Variants in ZNF680 observed in about 807,000 individuals in gnomAD.
The protein encoded by ZNF680 is zinc finger protein 680.
In ZNF680, 6 loss-of-function variants were observed where a neutral mutation model predicts 12.1. That is an observed-to-expected ratio of 0.49 (90% confidence interval 0.27 to 0.98). The LOEUF is 0.98. ZNF680 is among the 50% of genes least tolerant of loss of function. The pLI, the probability that ZNF680 is intolerant of heterozygous loss-of-function variation, is 0.12. For missense variants in ZNF680, 561 were observed against 616.3 expected (o/e 0.91, Z 0.95); for synonymous variants, 170 against 199.3 (o/e 0.85, Z 1.24).
chr7:64,540,037 TAAAG>T lies in ZNF680; in HGVS notation c.253+3666_253+3669del, dbSNP rs370274049. On this transcript the variant is annotated intron_variant, in intron 3 of 3. Coordinates refer to ENST00000309683, the MANE Select transcript of ZNF680 (RefSeq NM_178558.5). Reference sequence around the variant, plus strand: ...TTTTTTAAAAGAAAAACTGAAAAAATAAAGATTTATAAATCTTTTCAAAAATTAT... The same window carrying T: ...TTTTTTAAAAGAAAAACTGAAAAAATATTTATAAATCTTTTCAAAAATTAT... 8.4e-3 allele frequency among the ~76,000 whole-genome samples: 1,283 copies of T among 152,254 alleles called. 12 individuals are homozygous for T. The highest frequency in any genetic ancestry group is 0.03 in the African/African-American group (1,237 of 41,566).
At chr7:64,557,404 A>C (rs1787477230) in intron 1 of ZNF680, among the ~76,000 whole-genome samples, 1 of 150,888 alleles carries the variant, frequency 6.6e-6, no homozygotes, top group Non-Finnish European at 1.5e-5. Context: ...AAAATACAAA[A>C]AGTAGCCACG....
At chr7:64,541,762 G>A (rs1261551188) in intron 3 of ZNF680, among the ~76,000 whole-genome samples, 1 of 152,190 alleles carries the variant, frequency 6.6e-6, no homozygotes, top group East Asian at 1.9e-4. Context: ...CCCAGCCACA[G>A]TCTGGGAGAG....
At chr7:64,514,621 C>G in the ZNF680 span, among the ~76,000 whole-genome samples, 2 of 151,988 alleles carry the variant, frequency 1.3e-5, no homozygotes, top group Non-Finnish European at 2.9e-5. Context: ...ATAAAATAAA[C>G]TCACCACTCA....
intron 1 of ZNF680, among the ~76,000 whole-genome samples, chr7:64,554,699 T>G (rs1241234431): frequency 1.3e-5 from 2 of 152,172 alleles, no homozygotes; most frequent in African/African-American, 4.8e-5. Flanking sequence ...CCCAACCCCG[T>G]GCTCTCTGAA....
chr7:64,503,472 C>G, the ZNF680 span, among the ~76,000 whole-genome samples: 1 of 148,130 alleles, frequency 6.8e-6, no homozygotes, highest in African/African-American at 2.5e-5. Context: ...CCTCTGCCTC[C>G]TGGGTTCAAG....
intron 1 of ZNF680, among the ~76,000 whole-genome samples, chr7:64,556,650 C>G (rs1787429614): frequency 6.6e-6 from 1 of 151,968 alleles, no homozygotes; most frequent in Admixed American, 6.6e-5. Context: ...GATTAAAGAC[C>G]TAAATGTAGA....
At chr7:64,530,413 G>C (rs1308122007) in intron 3 of ZNF680, among the ~76,000 whole-genome samples, 1 of 152,092 alleles carries the variant, frequency 6.6e-6, no homozygotes, top group Non-Finnish European at 1.5e-5. Flanking sequence ...ATGCCTTCAA[G>C]AGACTAACTT....
intron 2 of ZNF680, 112 bp downstream of exon 2, chr7:64,544,194 A>G: frequency 7.0e-7 from 1 of 1,434,032 alleles, no homozygotes; most frequent in Non-Finnish European, 9.3e-7. Flanking sequence ...TTTCTTGAAA[A>G]CAGGGATCTG....
chr7:64,522,635 A>T (rs1584347956), intron 3 of ZNF680, 135 bp from the exon 4 acceptor site: 7 of 210,664 alleles, frequency 3.3e-5, no homozygotes, highest in Non-Finnish European at 3.8e-5. Flanking sequence ...CCTAAAAGTT[A>T]AAAAAAAAAA....
chr7:64,523,954 C>A (rs1054582966), intron 3 of ZNF680, among the ~76,000 whole-genome samples: 3 of 151,826 alleles, frequency 2.0e-5, no homozygotes, highest in African/African-American at 7.3e-5. Context: ...TCCAACATGC[C>A]TTTTTACAAG....
chr7:64,546,789 C>A (rs1301364951), intron 1 of ZNF680, among the ~76,000 whole-genome samples: 1 of 152,058 alleles, frequency 6.6e-6, no homozygotes, highest in East Asian at 1.9e-4. Flanking sequence ...CCTCCCCAGG[C>A]ACAGACACCA....
At chr7:64,555,735 T>A (rs2862796) in intron 1 of ZNF680, among the ~76,000 whole-genome samples, 14,215 of 72,960 alleles carry the variant, frequency 0.19, 757 homozygotes, top group Admixed American at 0.26. Flanking sequence ...TAAAAAAAAA[T>A]ATATATATAT....
At chr7:64,554,793 A>G (rs373857189) in intron 1 of ZNF680, among the ~76,000 whole-genome samples, 3 of 151,980 alleles carry the variant, frequency 2.0e-5, no homozygotes, top group South Asian at 4.2e-4. Context: ...AAGGCGGCAT[A>G]CTCGTTAAGA....
the ZNF680 span, among the ~76,000 whole-genome samples, chr7:64,502,585 C>A: frequency 0.67 from 102,328 of 152,042 alleles, 35,321 homozygotes; most frequent in African/African-American, 0.84. Flanking sequence ...TATAGTGTTA[C>A]GATTTGCTTT....
chr7:64,513,306 TAA>T, the ZNF680 span, among the ~76,000 whole-genome samples: 9 of 150,788 alleles, frequency 6.0e-5, no homozygotes, highest in South Asian at 2.1e-4. Flanking sequence ...TGCCTAAAAA[TAA>T]AAAAAGTCTT....
chr7:64,559,316 G>A (rs1787595179), intron 1 of ZNF680, among the ~76,000 whole-genome samples: 1 of 152,080 alleles, frequency 6.6e-6, no homozygotes, highest in Admixed American at 6.6e-5. Flanking sequence ...TAGGAAGTTG[G>A]CAACTTCTAG....
intron 3 of ZNF680, among the ~76,000 whole-genome samples, chr7:64,539,589 T>C (rs1416876477): frequency 6.6e-6 from 1 of 152,124 alleles, no homozygotes; most frequent in African/African-American, 2.4e-5. Flanking sequence ...GTTTTAGTTT[T>C]ACAAGATGTA....
chr7:64,528,606 C>T (rs77957152), intron 3 of ZNF680, among the ~76,000 whole-genome samples: 2,838 of 152,230 alleles, frequency 0.019, 103 homozygotes, highest in African/African-American at 0.064. Flanking sequence ...CCATTATCCT[C>T]CTAGGTACAT....
At chr7:64,529,515 A>G (rs1409122864) in intron 3 of ZNF680, among the ~76,000 whole-genome samples, 1 of 152,210 alleles carries the variant, frequency 6.6e-6, no homozygotes, top group Non-Finnish European at 1.5e-5. Context: ...GTAAAGTCTC[A>G]GCAATAGAAT....
Sources: allele counts gnomAD v4.1 joint callset (sites outside exome capture counted in the v4.1 genomes callset), GRCh38; gene constraint gnomAD v4.1.1; transcripts MANE v1.5; gene names NCBI Gene and HGNC (gene_info 2026-07-23, HGNC 2026-07-21).